The following NECAB2 variants were observed in gnomAD, a reference collection of about 807,000 sequenced individuals.
The protein encoded by NECAB2 is N-terminal EF-hand calcium binding protein 2.
NECAB2 carries 68 observed loss-of-function variants against 51.9 expected under a neutral mutation model. The ratio of observed to expected loss-of-function variants is 1.31; its 90% CI spans 1.08 to 1.60. The LOEUF is 1.60. Among genes scored for constraint, NECAB2 ranks in the 40% most tolerant of loss-of-function variants. The pLI is 0.00. For synonymous variants in NECAB2, 329 were observed against 203.5 expected (o/e 1.62, Z -5.25); for missense variants, 854 against 490.3 (o/e 1.74, Z -7.00).
At chr16:83,983,094 C>G (rs187657218) in intron 5 of NECAB2, among the ~76,000 whole-genome samples, 1 of 152,078 alleles carries the variant, frequency 6.6e-6, no homozygotes, top group African/African-American at 2.4e-5. Context: ...GTCTCAAAGT[C>G]CTGACTTGAG....
chr16:83,999,050 C>G (rs953141186), intron 10 of NECAB2, among the ~76,000 whole-genome samples: 1 of 150,710 alleles, frequency 6.6e-6, no homozygotes, highest in African/African-American at 2.4e-5. Flanking sequence ...AGCACACACT[C>G]ATTCACCCCA....
chr16:83,996,673 C>T (rs183405526), intron 8 of NECAB2, among the ~76,000 whole-genome samples: 18 of 152,098 alleles, frequency 1.2e-4, no homozygotes, highest in African/African-American at 3.1e-4. Context: ...GGTTCTCTGC[C>T]GTGACATAGT....
chr16:83,994,237 G>A, intron 6 of NECAB2, 65 bp from the exon 7 acceptor site: 1 of 1,415,520 alleles, frequency 7.1e-7, no homozygotes, highest in Non-Finnish European at 1.0e-6. Flanking sequence ...TGTGGAAGAT[G>A]CTGGAAGTGG....
At chr16:84,002,272 G>GCCCACATTCGCACT in intron 12 of NECAB2, 46 bp from the exon 13 acceptor site, 1 of 1,606,672 alleles carries the variant, frequency 6.2e-7, no homozygotes, top group Non-Finnish European at 8.5e-7. Flanking sequence ...CTACGAGGCT[G>GCCCACATTCGCACT]CCCACATTCG....
chr16:83,981,141 G>A lies in NECAB2; in HGVS notation c.459+14G>A, dbSNP rs754869684. 1 of 1,581,222 alleles carries A rather than the reference G, an allele frequency of 6.3e-7. No individual in the cohort carries two copies. ...TATACCAAGAAGGTCAGTGGGTGTA[G>A]GTGGCCCCCGGGGTCCAGGGCTCCA... On this transcript the variant is annotated intron_variant, in intron 5 of 12. Transcript: ENST00000305202.
intron 2 of NECAB2, among the ~76,000 whole-genome samples, chr16:83,977,416 C>T (rs547344027): frequency 1.1e-4 from 17 of 152,256 alleles, no homozygotes; most frequent in African/African-American, 3.8e-4. Context: ...TCCCAGAGTC[C>T]CTGATGTTCT....
chr16:83,987,799 T>C (rs1025175328), intron 5 of NECAB2, among the ~76,000 whole-genome samples: 1 of 152,220 alleles, frequency 6.6e-6, no homozygotes, highest in African/African-American at 2.4e-5. Context: ...GAGGATAATT[T>C]ATCAGAGTTG....
chr16:83,997,875 C>G (rs1042814799), intron 9 of NECAB2, among the ~76,000 whole-genome samples: 1 of 152,136 alleles, frequency 6.6e-6, no homozygotes, highest in Non-Finnish European at 1.5e-5. Context: ...AATGCTGAGT[C>G]CATCAACTAT....
rs76006407 is a variant in NECAB2, at chr16:83,978,460, C to G, written c.243C>G (p.Ser81=). 6 of 1,613,888 alleles carry G rather than the reference C, an allele frequency of 3.7e-6. No homozygotes were observed. Among genetic ancestry groups the G allele is most frequent in the African/African-American group, 2.7e-5 (2 of 74,996 alleles). The part of the protein sequence containing the change: ...RADKNDDGKL[S]LEEFQLFFAD... ...TCCTTGCAGATGATGGGAAGCTGTCCTTGGAGGAATTCCAGCTCTTCTTTG... is the reference window on the plus strand; with the variant it reads ...TCCTTGCAGATGATGGGAAGCTGTCGTTGGAGGAATTCCAGCTCTTCTTTG... The change falls in exon 3 of 13, where the codon TCC becomes TCG. Residue 81 remains serine, a synonymous_variant. Transcript: ENST00000305202.
chr16:83,976,881 A>G (rs894103932), intron 2 of NECAB2, among the ~76,000 whole-genome samples: 3 of 152,240 alleles, frequency 2.0e-5, no homozygotes, highest in African/African-American at 7.2e-5. Context: ...GAGCTCCAGC[A>G]GAGCTGCTGG....
chr16:83,974,769 G>C (rs188468993), intron 2 of NECAB2, among the ~76,000 whole-genome samples: 242 of 152,256 alleles, frequency 1.6e-3, no homozygotes, highest in African/African-American at 5.7e-3. Context: ...ATAGATAGGG[G>C]AGTGGTGTGG....
chr16:83,992,013 C>T (rs913269211), intron 6 of NECAB2, among the ~76,000 whole-genome samples: 8 of 152,130 alleles, frequency 5.3e-5, no homozygotes, highest in Non-Finnish European at 8.8e-5. Context: ...ACTGCACTCT[C>T]GGCATCACAT....
intron 2 of NECAB2, among the ~76,000 whole-genome samples, chr16:83,973,895 G>A (rs569048077): frequency 6.6e-6 from 1 of 152,276 alleles, no homozygotes; most frequent in Non-Finnish European, 1.5e-5. Flanking sequence ...TGTGCAGTTA[G>A]TGTGCGTGTG....
rs546534865 is a variant in NECAB2, at chr16:84,000,889, G to A, written c.1040+88G>A. 4 of 1,329,448 alleles carry A rather than the reference G, an allele frequency of 3.0e-6. No individual in the cohort carries two copies. The East Asian group carries it at 9.2e-5, about 31-fold the overall frequency. The allele number at this position is 1,329,448 out of a possible 1,614,324, so 82.4% of individuals were successfully genotyped here. A position where few individuals can be genotyped will look rare whatever the true frequency, so the allele number is the denominator to read the frequency against. On this transcript the variant is annotated intron_variant, in intron 11 of 12. Coordinates refer to ENST00000305202, the MANE Select transcript of NECAB2 (RefSeq NM_019065.3). ...TGGAGCCAGGCATCCTTGGAGGGGA[G>A]GGTAAGGCCGAGTCCAGTCAGCAGA...
At chr16:83,975,908 G>C (rs1160382258) in intron 2 of NECAB2, among the ~76,000 whole-genome samples, 1 of 152,308 alleles carries the variant, frequency 6.6e-6, no homozygotes, top group Admixed American at 6.5e-5. Flanking sequence ...CGTAGGGCAT[G>C]TTTTTTCCTC....
intron 5 of NECAB2, among the ~76,000 whole-genome samples, chr16:83,988,832 C>T (rs549903625): frequency 1.6e-5 from 2 of 123,460 alleles, no homozygotes; most frequent in Non-Finnish European, 3.0e-5. Flanking sequence ...CAAGCTCAGT[C>T]CCCCCCCATT....
intron 2 of NECAB2, among the ~76,000 whole-genome samples, chr16:83,975,797 T>C (rs2247470): frequency 0.29 from 44,693 of 152,068 alleles, 12,371 homozygotes; most frequent in African/African-American, 0.74. Context: ...AGAGTGAGTT[T>C]GTGCTAATTA....
At chr16:83,991,816 ATTTTTTT>A (rs1222970973) in intron 6 of NECAB2, among the ~76,000 whole-genome samples, 1 of 112,540 alleles carries the variant, frequency 8.9e-6, no homozygotes, top group Non-Finnish European at 1.8e-5. Context: ...ACACCCAGCT[ATTTTTTT>A]TTTTTTTTTT....
chr16:84,000,322 G>T (rs1021650686), intron 10 of NECAB2, among the ~76,000 whole-genome samples: 4 of 150,020 alleles, frequency 2.7e-5, no homozygotes, highest in Non-Finnish European at 4.4e-5. Flanking sequence ...CTGAGCCCAG[G>T]AGTTAAAGAC....
Sources: allele counts gnomAD v4.1 joint callset (sites outside exome capture counted in the v4.1 genomes callset), GRCh38; gene constraint gnomAD v4.1.1; transcripts MANE v1.5; gene names NCBI Gene and HGNC (gene_info 2026-07-23, HGNC 2026-07-21).